DAB1: variants seen among roughly 807,000 people sequenced by gnomAD.
The protein encoded by DAB1 is DAB adaptor protein 1, also known as disabled homolog 1.
In DAB1, 15 loss-of-function variants were observed where a neutral mutation model predicts 64.6. The observed-to-expected ratio is 0.23, with a 90% CI of 0.16 to 0.36. DAB1 has a LOEUF of 0.36. Ranked by LOEUF, DAB1 falls within the 10% of genes least tolerant of loss-of-function variation. The pLI is 1.00. For synonymous variants in DAB1, 235 were observed against 251.9 expected, an observed-to-expected ratio of 0.93 and a Z score of 0.64; for missense variants, 596 against 706.7, an observed-to-expected ratio of 0.84 and a Z score of 1.78.
chr1:57,606,541 TATATA>T (rs1178651125), intron 7 of DAB1, among the ~76,000 whole-genome samples: 5 of 116,742 alleles, frequency 4.3e-5, no homozygotes, highest in South Asian at 2.3e-4. Flanking sequence ...ATATATGAAA[TATATA>T]ATATAATATA....
intron 5 of DAB1, among the ~76,000 whole-genome samples, chr1:57,918,297 T>C (rs905769554): frequency 6.6e-6 from 1 of 152,184 alleles, no homozygotes; most frequent in Non-Finnish European, 1.5e-5. Flanking sequence ...AATCTGAGAC[T>C]GGGTATTTTG....
intron 5 of DAB1, among the ~76,000 whole-genome samples, chr1:58,117,598 C>G (rs902729095): frequency 1.8e-4 from 27 of 152,172 alleles, no homozygotes; most frequent in African/African-American, 6.0e-4. Context: ...ATTCCACTGT[C>G]TTTCTGTTTC....
chr1:58,110,130 A>T (rs761779748), intron 5 of DAB1, among the ~76,000 whole-genome samples: 21 of 152,230 alleles, frequency 1.4e-4, no homozygotes, highest in Non-Finnish European at 2.5e-4. Context: ...ACAGAATATT[A>T]AGACACAGAG....
intron 2 of DAB1, among the ~76,000 whole-genome samples, chr1:58,523,337 C>T (rs1188285822): frequency 6.6e-6 from 1 of 152,172 alleles, no homozygotes; most frequent in Non-Finnish European, 1.5e-5. Flanking sequence ...GGCTTGGTGG[C>T]TTTCATGGCT....
At chr1:57,892,443 A>G (rs572506012) in intron 5 of DAB1, among the ~76,000 whole-genome samples, 1 of 152,334 alleles carries the variant, frequency 6.6e-6, no homozygotes, top group Admixed American at 6.5e-5. Context: ...TTCATTTATG[A>G]ACCCATTTAA....
In DAB1 at chr1:57,045,534, C is replaced by G. The variant is rs535833701; in HGVS notation, c.723+17350G>C. 2.0e-5 allele frequency among the ~76,000 whole-genome samples: 3 copies of G among 152,130 alleles called. No homozygotes were observed. The South Asian group carries it at 6.2e-4, about 32-fold the overall frequency. ...CCAATATGGAGAAATTCTGTCTCTACTAAAAACACAAAAATTAGCTGGGCA... is the reference window on the plus strand; with the variant it reads ...CCAATATGGAGAAATTCTGTCTCTAGTAAAAACACAAAAATTAGCTGGGCA... On this transcript the variant is annotated intron_variant, in intron 9 of 14. Coordinates refer to ENST00000371236, the MANE Select transcript of DAB1 (RefSeq NM_001365792.1).
intron 2 of DAB1, among the ~76,000 whole-genome samples, chr1:57,266,123 C>T (rs1026469126): frequency 1.3e-5 from 2 of 152,152 alleles, no homozygotes; most frequent in African/African-American, 4.8e-5. Context: ...AAGGGAAGAA[C>T]CGCACTGAGG....
chr1:57,606,981 G>T (rs2030719), intron 7 of DAB1, among the ~76,000 whole-genome samples: 35,996 of 150,838 alleles, frequency 0.24, 5,435 homozygotes, highest in African/African-American at 0.43. Flanking sequence ...GAGACGGGGT[G>T]TCACCATTTT....
chr1:58,106,972 T>G (rs1488625536), intron 5 of DAB1, among the ~76,000 whole-genome samples: 1 of 151,546 alleles, frequency 6.6e-6, no homozygotes, highest in African/African-American at 2.4e-5. Context: ...TCCCTCCTTC[T>G]AAAGCATTTA....
chr1:57,461,891 A>G (rs1169629284), intron 7 of DAB1, among the ~76,000 whole-genome samples: 2 of 151,204 alleles, frequency 1.3e-5, no homozygotes, highest in Admixed American at 6.6e-5. Flanking sequence ...GCTCTTTGCT[A>G]AGGGGAGGTG....
rs533174984 is a variant in DAB1 at position 57,770,987 on chromosome 1, A to G, written n.551+113012T>C. Among the ~76,000 whole-genome samples, 5 of 152,298 alleles carry G rather than the reference A, an allele frequency of 3.3e-5. No individual in the cohort carries two copies. In the South Asian group the frequency reaches 1.0e-3, roughly 32 times the overall value. ...CTCATTTAATCCCCCTAGCCTATGA[A>G]GATGGTATTACAACCTCATTGTACA... is the stretch of plus-strand genomic sequence containing the variant. On this transcript the variant is annotated intron_variant and non_coding_transcript_variant, in intron 6 of 20. Coordinates refer to the DAB1 transcript ENST00000485760.
intron 4 of DAB1, among the ~76,000 whole-genome samples, chr1:58,239,359 T>G (rs1660188610): frequency 6.6e-6 from 1 of 152,218 alleles, no homozygotes; most frequent in Admixed American, 6.5e-5. Context: ...CTCCAATATT[T>G]ACCTCCCATT....
At chr1:57,055,091 C>G (rs1649613230) in intron 9 of DAB1, among the ~76,000 whole-genome samples, 1 of 152,212 alleles carries the variant, frequency 6.6e-6, no homozygotes, top group Non-Finnish European at 1.5e-5. Flanking sequence ...AGCATTTCCT[C>G]TCAGCAAGCA....
chr1:57,334,094 A>T (rs2100806224), intron 1 of DAB1, among the ~76,000 whole-genome samples: 1 of 152,342 alleles, frequency 6.6e-6, no homozygotes, highest in South Asian at 2.1e-4. Context: ...CAGGCCAAGT[A>T]CAAGCAGTCT....
intron 6 of DAB1, among the ~76,000 whole-genome samples, chr1:57,765,086 G>C (rs1649251334): frequency 6.6e-6 from 1 of 152,182 alleles, no homozygotes; most frequent in Non-Finnish European, 1.5e-5. Context: ...CTAGCCCAAT[G>C]TTCACAGCAC....
downstream of DAB1, among the ~76,000 whole-genome samples, chr1:57,823,188 T>C (rs554812699): frequency 5.9e-5 from 9 of 152,196 alleles, no homozygotes; most frequent in African/African-American, 2.2e-4. Flanking sequence ...TTTCACTATG[T>C]TGGCCAGGCT....
intron 4 of DAB1, among the ~76,000 whole-genome samples, chr1:58,174,930 A>G (rs1275169261): frequency 6.6e-6 from 1 of 151,784 alleles, no homozygotes; most frequent in South Asian, 2.1e-4. Context: ...ACCAATCAGC[A>G]CTCTGTGTCT....
rs189892498 is a variant in DAB1 at position 57,029,670 on chromosome 1, C to T, written c.724-3627G>A. ...CATCAGCGTGACCTGGATGTGAGACCTGGTGTCAAACAAGATCATTTTGGA... is the reference window on the plus strand; with the variant it reads ...CATCAGCGTGACCTGGATGTGAGACTTGGTGTCAAACAAGATCATTTTGGA... On this transcript the variant is annotated intron_variant, in intron 9 of 14. Coordinates refer to ENST00000371236, the MANE Select transcript of DAB1 (RefSeq NM_001365792.1). 9.8e-5 allele frequency among the ~76,000 whole-genome samples: 15 copies of T among 152,294 alleles called. No homozygotes were observed. In the East Asian group the frequency reaches 2.5e-3, roughly 26 times the overall value.
chr1:57,293,028 A>AGAAT (rs199902633), intron 1 of DAB1, among the ~76,000 whole-genome samples: 2,268 of 152,224 alleles, frequency 0.015, 61 homozygotes, highest in African/African-American at 0.051. Context: ...AATTGTATGT[A>AGAAT]GAATGAATGA....
Sources: allele counts gnomAD v4.1 joint callset (sites outside exome capture counted in the v4.1 genomes callset), GRCh38; gene constraint gnomAD v4.1.1; transcripts MANE v1.5; gene names NCBI Gene and HGNC (gene_info 2026-07-23, HGNC 2026-07-21).